The following SNRNP70 variants were observed in gnomAD, a reference collection of about 807,000 sequenced individuals.
SNRNP70 encodes the protein U1 small nuclear ribonucleoprotein 70 kDa.
Under a neutral mutation model 50.5 loss-of-function variants are expected in SNRNP70, and 8 were observed. The observed-to-expected ratio is 0.16, with a 90% CI of 0.09 to 0.29. SNRNP70 has a LOEUF of 0.29. Among genes scored for constraint, SNRNP70 ranks in the 10% least tolerant of loss-of-function variants. SNRNP70 has a pLI of 1.00. For missense variants in SNRNP70, 529 were observed against 663.5 expected, an observed-to-expected ratio of 0.80 and a Z score of 2.23; for synonymous variants, 320 against 252.9, an observed-to-expected ratio of 1.27 and a Z score of -2.52.
intron 4 of SNRNP70, among the ~76,000 whole-genome samples, chr19:49,092,030 T>C (rs1026459603): frequency 4.6e-5 from 7 of 152,220 alleles, no homozygotes; most frequent in Admixed American, 4.6e-4. Flanking sequence ...TTCATGTCCA[T>C]CATCACCACC....
intron 6 of SNRNP70, among the ~76,000 whole-genome samples, chr19:49,100,947 C>T (rs1392990138): frequency 6.6e-6 from 1 of 152,208 alleles, no homozygotes; most frequent in Non-Finnish European, 1.5e-5. Flanking sequence ...TTCCCAGCTC[C>T]TCAGCGACCA....
In SNRNP70 at chr19:49,107,754, C is replaced by CG. The variant is rs1380958476; in HGVS notation, c.666-35dup. ...GGTGTCCTGGGGTGGGGGGCGGTCA[C>CG]GGGGGGAGCCCAGCCACACAGGTCT... On this transcript the variant is annotated intron_variant, in intron 9 of 9. Transcript: ENST00000598441. The surrounding 1 kb of genome is among the most constrained non-coding windows in gnomAD (Gnocchi z 6.0). 13 of 1,612,208 alleles carry CG rather than the reference C, an allele frequency of 8.1e-6. No individual in the cohort carries two copies. The highest frequency in any genetic ancestry group is 2.2e-5 in the East Asian group (1 of 44,850).
At chr19:49,099,970 G>A (rs1000854311) in intron 6 of SNRNP70, among the ~76,000 whole-genome samples, 16 of 150,704 alleles carry the variant, frequency 1.1e-4, no homozygotes, top group African/African-American at 2.7e-4. Context: ...ACACACACAC[G>A]TTGTTCTGCC....
At chr19:49,093,030 C>T (rs946105554) in intron 4 of SNRNP70, among the ~76,000 whole-genome samples, 2 of 88,104 alleles carry the variant, frequency 2.3e-5, no homozygotes, top group African/African-American at 7.6e-5. Flanking sequence ...ATCTGTCTGC[C>T]TCGGCCCCCA....
At chr19:49,098,138 G>A (rs2040536109) in intron 4 of SNRNP70, among the ~76,000 whole-genome samples, 1 of 152,210 alleles carries the variant, frequency 6.6e-6, no homozygotes, top group Non-Finnish European at 1.5e-5. Context: ...ATGTAGGTCT[G>A]AAATGGCAGT....
rs765223012 is a variant in SNRNP70 at position 49,104,765 on chromosome 19, C to T, written c.577+30C>T. 9.7e-6 allele frequency: 14 copies of T among 1,446,172 alleles called. No homozygotes were observed. The highest frequency in any genetic ancestry group is 2.6e-5 in the East Asian group (1 of 38,854). The allele number at this position is 1,446,172 out of a possible 1,614,324, so 89.6% of individuals were successfully genotyped here. On this transcript the variant is annotated intron_variant, in intron 8 of 9. Transcript: ENST00000598441. This position sits in a 1 kb window ranked among gnomAD's most constrained non-coding sequence, Gnocchi z 5.4. ...GCACATCCTGCCTTCGACGGGCTCT[C>T]GGGGGCCCTGGGCCTGGTGGCCTTG...
At position 49,104,517 on chromosome 19, in the gene SNRNP70, G is replaced by A. The variant is rs573322528; in HGVS notation, c.476-117G>A. Reference sequence around the variant, plus strand: ...TCAGTTGCCTGGCTGTCTGTTGGGCGTGTGCGTGTGCGTGATGATGGGGAC... The same window carrying A: ...TCAGTTGCCTGGCTGTCTGTTGGGCATGTGCGTGTGCGTGATGATGGGGAC... On this transcript the variant is annotated intron_variant, in intron 7 of 9. Transcript: ENST00000598441. This position sits in a 1 kb window ranked among gnomAD's most constrained non-coding sequence, Gnocchi z 5.4. 1.1e-3 allele frequency: 869 copies of A among 760,256 alleles called. 12 individuals carry two copies. Among genetic ancestry groups the A allele is most frequent in the African/African-American group, 2.4e-4 (14 of 57,946 alleles). The allele number at this position is 760,256 out of a possible 1,614,324, so 47.1% of individuals were successfully genotyped here. A position where few individuals can be genotyped will look rare whatever the true frequency, so the allele number is the denominator to read the frequency against.
At chr19:49,093,165 G>C (rs2040469270) in intron 4 of SNRNP70, among the ~76,000 whole-genome samples, 1 of 152,140 alleles carries the variant, frequency 6.6e-6, no homozygotes, top group Middle Eastern at 3.4e-3. Flanking sequence ...GTACGATCTA[G>C]GGTCACTGCA....
intron 2 of SNRNP70, among the ~76,000 whole-genome samples, chr19:49,088,722 C>T (rs7252855): frequency 0.35 from 52,626 of 151,834 alleles, 9,639 homozygotes; most frequent in South Asian, 0.46. Flanking sequence ...GTCTCAAACT[C>T]CTGACCTTGT....
Position 49,107,927 on chromosome 19 carries a change from A to C in SNRNP70, c.798A>C (p.Ser266=). 3 of 1,546,612 alleles carry C rather than the reference A, an allele frequency of 1.9e-6. No homozygotes were observed. Among genetic ancestry groups the C allele is most frequent in the Non-Finnish European group, 2.6e-6 (3 of 1,145,968 alleles). The change falls in exon 10 of 10, where the codon TCA becomes TCC. Residue 266 remains serine (S), a synonymous_variant. Transcript: ENST00000598441. The surrounding 1 kb of genome is among the most constrained non-coding windows in gnomAD (Gnocchi z 6.0). The stretch of plus-strand genomic sequence containing the variant: ...GCTCCCGGGACCGGCGGAGGCGCTC[A>C]CGGAGTCGCGACAAGGAGGAGCGGA... ...RSRSRDRRRR[S]RSRDKEERRR...
intron 1 of SNRNP70, among the ~76,000 whole-genome samples, chr19:49,085,933 G>A (rs972661289): frequency 2.0e-5 from 3 of 152,160 alleles, no homozygotes; most frequent in Non-Finnish European, 2.9e-5. Context: ...CGGGGTCCAG[G>A]TCTGTTACCC....
At chr19:49,086,011 C>T (rs1272981772) in intron 1 of SNRNP70, among the ~76,000 whole-genome samples, 1 of 152,202 alleles carries the variant, frequency 6.6e-6, no homozygotes, top group Non-Finnish European at 1.5e-5. Flanking sequence ...TTCCGATCCC[C>T]AGGACCCTGC....
chr19:49,102,500 G>A (rs1264887674), intron 7 of SNRNP70: 1 of 254,976 alleles, frequency 3.9e-6, no homozygotes, highest in African/African-American at 2.2e-5. Context: ...ACCGAGGGCA[G>A]GGCTCCAGGC....
chr19:49,095,761 A>G (rs1316932577), intron 4 of SNRNP70, among the ~76,000 whole-genome samples: 1 of 152,004 alleles, frequency 6.6e-6, no homozygotes, highest in Non-Finnish European at 1.5e-5. Context: ...TCTTGGTCAC[A>G]AGTGATCCGC....
rs962345844 is a variant in SNRNP70, at chr19:49,085,458, A to G, written c.-189A>G. 2.8e-5 allele frequency: 12 copies of G among 429,742 alleles called. No individual in the cohort carries two copies. Among genetic ancestry groups the G allele is most frequent in the African/African-American group, 2.0e-4 (10 of 49,206 alleles). 26.6% of individuals were successfully genotyped at this position (429,742 alleles called of 1,614,324 possible). A position where few individuals can be genotyped will look rare whatever the true frequency, so the allele number is the denominator to read the frequency against. ...GGACCCACCCCCTGCTCCAGTCGCT[A>G]TCGGAGGCCGCGCGGGTGGCTGAGC... On this transcript the variant is annotated 5_prime_UTR_variant, in exon 1 of 10. Transcript: ENST00000598441.
chr19:49,093,091 T>G (rs1269329385), intron 4 of SNRNP70, among the ~76,000 whole-genome samples: 1 of 149,320 alleles, frequency 6.7e-6, no homozygotes, highest in Non-Finnish European at 1.5e-5. Flanking sequence ...AAAGTGTTTT[T>G]CATTTTTTGT....
chr19:49,094,378 A>G (rs964609684), intron 4 of SNRNP70, among the ~76,000 whole-genome samples: 1 of 151,992 alleles, frequency 6.6e-6, no homozygotes, highest in Admixed American at 6.6e-5. Context: ...AGGGGCCTCT[A>G]ATTGCAACTA....
At chr19:49,101,616 CTTTT>C in intron 7 of SNRNP70, 145 bp downstream of exon 7, 1 of 503,974 alleles carries the variant, frequency 2.0e-6, no homozygotes, top group Non-Finnish European at 3.6e-6. Flanking sequence ...TCTGATGTAT[CTTTT>C]TTTTTTTTAT....
At chr19:49,094,796 A>G (rs1397530067) in intron 4 of SNRNP70, among the ~76,000 whole-genome samples, 1 of 152,180 alleles carries the variant, frequency 6.6e-6, no homozygotes, top group Non-Finnish European at 1.5e-5. Context: ...ACTTTCTCAC[A>G]GCTTCCAAGT....
Sources: allele counts gnomAD v4.1 joint callset (sites outside exome capture counted in the v4.1 genomes callset), GRCh38; gene constraint gnomAD v4.1.1; non-coding constraint Gnocchi (gnomAD v3.1); transcripts MANE v1.5; gene names NCBI Gene and HGNC (gene_info 2026-07-23, HGNC 2026-07-21).